The following LRRC4C variants were observed in gnomAD, a reference collection of about 807,000 sequenced individuals.
LRRC4C encodes the protein leucine rich repeat containing 4C.
In LRRC4C, 5 loss-of-function variants were observed where a neutral mutation model predicts 33.6. The observed-to-expected ratio is 0.15, with a 90% CI of 0.08 to 0.31. LRRC4C has a LOEUF of 0.31. Ranked by LOEUF, LRRC4C falls within the 10% of genes least tolerant of loss-of-function variation. The probability of loss-of-function intolerance (pLI) is 1.00; values close to 1 mark genes in which losing one functional copy is unlikely to be tolerated. For synonymous variants in LRRC4C, 329 were observed against 302.0 expected (o/e 1.09, Z -0.93); for missense variants, 560 against 796.7 (o/e 0.70, Z 3.58).
At chr11:41,374,437 A>T (rs1228402713) in intron 1 of LRRC4C, among the ~76,000 whole-genome samples, 4 of 152,172 alleles carry the variant, frequency 2.6e-5, no homozygotes, top group Non-Finnish European at 5.9e-5. Context: ...CTAACCTCCA[A>T]CTTATAGGAT....
At chr11:40,775,727 A>C (rs1373236410) in intron 2 of LRRC4C, among the ~76,000 whole-genome samples, 1 of 152,148 alleles carries the variant, frequency 6.6e-6, no homozygotes, top group Non-Finnish European at 1.5e-5. Context: ...GTAAAGAGAG[A>C]GAATTTGACT....
At chr11:40,471,656 G>A (rs530303279) in intron 3 of LRRC4C, among the ~76,000 whole-genome samples, 1 of 139,052 alleles carries the variant, frequency 7.2e-6, no homozygotes, top group South Asian at 2.3e-4. Flanking sequence ...AGGGATGGAG[G>A]AATATTTACT....
At chr11:41,053,162 C>T (rs1858368732) in intron 1 of LRRC4C, among the ~76,000 whole-genome samples, 1 of 152,164 alleles carries the variant, frequency 6.6e-6, no homozygotes, top group Admixed American at 6.5e-5. Flanking sequence ...CATTCCTTCC[C>T]TTTGGCAGGG....
At chr11:40,615,238 T>TTATATATATAGATATA (rs1555119224) in intron 3 of LRRC4C, among the ~76,000 whole-genome samples, 5 of 88,176 alleles carry the variant, frequency 5.7e-5, no homozygotes, top group Admixed American at 4.8e-4. Flanking sequence ...TTGATTTATT[T>TTATATATATAGATATA]TATATATATA....
intron 4 of LRRC4C, 79 bp downstream of exon 4, chr11:40,319,549 G>C (rs1013518849): frequency 5.9e-5 from 9 of 151,914 alleles, no homozygotes; most frequent in African/African-American, 1.9e-4. Context: ...TTTTGACTTA[G>C]TGAACCTCAC....
intron 4 of LRRC4C, among the ~76,000 whole-genome samples, chr11:40,265,894 T>C: frequency 6.6e-6 from 1 of 152,188 alleles, no homozygotes; most frequent in East Asian, 1.9e-4. Flanking sequence ...GAAGGAAGAA[T>C]TTGACAGATT....
intron 1 of LRRC4C, among the ~76,000 whole-genome samples, chr11:41,165,886 C>G (rs1249271191): frequency 6.6e-6 from 1 of 151,958 alleles, no homozygotes; most frequent in Non-Finnish European, 1.5e-5. Flanking sequence ...AAAAAAATAG[C>G]TGGGCATGGT....
intron 3 of LRRC4C, among the ~76,000 whole-genome samples, chr11:40,456,539 G>A (rs1590798168): frequency 6.6e-6 from 1 of 151,936 alleles, no homozygotes; most frequent in Non-Finnish European, 1.5e-5. Context: ...AGAATAGATT[G>A]AGAAGCTTCA....
At chr11:41,358,655 A>T (rs1210884095) in intron 1 of LRRC4C, among the ~76,000 whole-genome samples, 1 of 152,176 alleles carries the variant, frequency 6.6e-6, no homozygotes, top group Non-Finnish European at 1.5e-5. Flanking sequence ...GCCATCAGAG[A>T]AATGCAAATT....
intron 1 of LRRC4C, among the ~76,000 whole-genome samples, chr11:41,422,730 G>C (rs1565660824): frequency 6.6e-6 from 1 of 151,880 alleles, no homozygotes; most frequent in Non-Finnish European, 1.5e-5. Context: ...CATGTAAAAA[G>C]AATTTCACAA....
chr11:40,756,436 T>A (rs553719629), intron 2 of LRRC4C, among the ~76,000 whole-genome samples: 214 of 152,188 alleles, frequency 1.4e-3, no homozygotes, highest in Non-Finnish European at 1.7e-3. Flanking sequence ...TAGCTTAATT[T>A]TCATTTTGTA....
chr11:41,145,702 T>C (rs1048324038), intron 1 of LRRC4C, among the ~76,000 whole-genome samples: 24 of 152,148 alleles, frequency 1.6e-4, no homozygotes, highest in Non-Finnish European at 2.5e-4. Context: ...ATAAATACAG[T>C]GCCAGTACAC....
chr11:40,451,962 A>G (rs1298512455), intron 3 of LRRC4C, among the ~76,000 whole-genome samples: 1 of 152,126 alleles, frequency 6.6e-6, no homozygotes, highest in Non-Finnish European at 1.5e-5. Context: ...GGTGCAGCAC[A>G]CAGAGCTTGA....
At chr11:41,227,080 AACT>A (rs921525738) in intron 1 of LRRC4C, among the ~76,000 whole-genome samples, 18 of 152,130 alleles carry the variant, frequency 1.2e-4, no homozygotes, top group African/African-American at 4.3e-4. Context: ...CTAGTAATTT[AACT>A]GTCACCAGCA....
chr11:40,854,457 G>A (rs1591898305), intron 2 of LRRC4C, among the ~76,000 whole-genome samples: 1 of 152,156 alleles, frequency 6.6e-6, no homozygotes, highest in African/African-American at 2.4e-5. Context: ...AGTTTGGCTA[G>A]GGTCTTCAGT....
intron 2 of LRRC4C, among the ~76,000 whole-genome samples, chr11:40,812,794 G>A (rs778312499): frequency 1.1e-4 from 16 of 151,958 alleles, no homozygotes; most frequent in Non-Finnish European, 2.1e-4. Context: ...AAAGAGTAAG[G>A]CACCAAAAGG....
chr11:40,805,396 C>T (rs1305861915), intron 2 of LRRC4C, among the ~76,000 whole-genome samples: 1 of 152,114 alleles, frequency 6.6e-6, no homozygotes, highest in African/African-American at 2.4e-5. Flanking sequence ...GTCAAATTGC[C>T]CTCTGGAATT....
intron 1 of LRRC4C, among the ~76,000 whole-genome samples, chr11:41,392,714 G>A (rs1375734764): frequency 6.9e-6 from 1 of 145,978 alleles, no homozygotes; most frequent in East Asian, 2.1e-4. Context: ...GTCATTTAAA[G>A]ACACACACAG....
chr11:41,250,663 T>A (rs774030864), intron 1 of LRRC4C, among the ~76,000 whole-genome samples: 1 of 152,206 alleles, frequency 6.6e-6, no homozygotes, highest in Non-Finnish European at 1.5e-5. Flanking sequence ...ATAAGGCACA[T>A]GCTCAGTACG....
Sources: allele counts gnomAD v4.1 joint callset (sites outside exome capture counted in the v4.1 genomes callset), GRCh38; gene constraint gnomAD v4.1.1; transcripts MANE v1.5; gene names NCBI Gene and HGNC (gene_info 2026-07-23, HGNC 2026-07-21).